Variants in LIPA observed in about 807,000 individuals in gnomAD.
LIPA encodes the protein lipase A, lysosomal acid type.
Under a neutral mutation model 40.6 loss-of-function variants are expected in LIPA, and 26 were observed. That is an observed-to-expected ratio of 0.64 (90% confidence interval 0.47 to 0.89). LIPA has a LOEUF of 0.89. Among genes scored for constraint, LIPA ranks in the 40% least tolerant of loss-of-function variants. The probability of loss-of-function intolerance (pLI) is 0.00; values close to 1 mark genes in which losing one functional copy is unlikely to be tolerated. For missense variants in LIPA, 455 were observed against 479.6 expected, an observed-to-expected ratio of 0.95 and a Z score of 0.48; for synonymous variants, 188 against 168.4, an observed-to-expected ratio of 1.12 and a Z score of -0.90.
chr10:89,270,476 T>A (rs116444135), intron 1 of LIPA, among the ~76,000 whole-genome samples: 2,554 of 152,340 alleles, frequency 0.017, 32 homozygotes, highest in African/African-American at 0.027. Flanking sequence ...GACTGCCACC[T>A]TATTGCAATT....
upstream of LIPA, among the ~76,000 whole-genome samples, chr10:89,253,384 A>G (rs188110514): frequency 3.3e-3 from 498 of 152,352 alleles, 1 homozygote; most frequent in African/African-American, 0.011. Flanking sequence ...GAGAGAAAGA[A>G]CCAAGTAAAA....
intron 2 of LIPA, chr10:89,383,551 G>C (rs773843524): frequency 1.2e-6 from 2 of 1,614,176 alleles, no homozygotes; most frequent in Non-Finnish European, 1.7e-6. Context: ...AAAGGCTGAA[G>C]ACTTAATTCA....
Position 89,367,462 on chromosome 10 carries a change from G to A in LIPA, c.61+45329C>T, listed in dbSNP as rs145894935. On this transcript the variant is annotated intron_variant, in intron 2 of 8. Coordinates refer to the LIPA transcript ENST00000371837. ...CACTTCTTATTCTTGTAAACAAGAT[G>A]GCTATAGTTTCCCATTACTGGCTCA... Among the ~76,000 whole-genome samples the A allele has an allele frequency of 9.2e-3, 1,405 of 152,318 alleles. 13 individuals are homozygous for A. The highest frequency in any genetic ancestry group is 0.027 in the Middle Eastern group (8 of 294).
intron 2 of LIPA, chr10:89,393,485 C>A: frequency 2.7e-6 from 1 of 373,848 alleles, no homozygotes; most frequent in South Asian, 2.5e-5. Flanking sequence ...GTAATCCCAG[C>A]ACTTTGGGAG....
chr10:89,373,260 G>C (rs187427687), intron 2 of LIPA, among the ~76,000 whole-genome samples: 1,661 of 149,820 alleles, frequency 0.011, 39 homozygotes, highest in East Asian at 0.092. Context: ...GCGTGAACCC[G>C]GGAGGCAGAG....
At chr10:89,310,028 C>A (rs374738413) in intron 1 of LIPA, among the ~76,000 whole-genome samples, 1 of 152,202 alleles carries the variant, frequency 6.6e-6, no homozygotes, top group African/African-American at 2.4e-5. Context: ...CCATCAATGA[C>A]CATTGCCCCT....
chr10:89,290,457 A>G (rs780812857), intron 1 of LIPA, among the ~76,000 whole-genome samples: 1 of 152,072 alleles, frequency 6.6e-6, no homozygotes, highest in Non-Finnish European at 1.5e-5. Context: ...ACACTTCAAT[A>G]CTATTTTATG....
At chr10:89,402,479 T>G in intron 2 of LIPA, 1 of 1,614,140 alleles carries the variant, frequency 6.2e-7, no homozygotes, top group East Asian at 2.2e-5. Context: ...AAGGCCAGAA[T>G]GAGGAAGCCC....
At chr10:89,392,958 C>G (rs537562082) in intron 2 of LIPA, 16 of 664,416 alleles carry the variant, frequency 2.4e-5, no homozygotes, top group Non-Finnish European at 3.9e-5. Flanking sequence ...ATGCTATAGC[C>G]CAAAGAAGGG....
intron 1 of LIPA, among the ~76,000 whole-genome samples, chr10:89,321,523 C>T (rs1418613808): frequency 1.3e-5 from 2 of 152,170 alleles, no homozygotes; most frequent in Non-Finnish European, 2.9e-5. Context: ...CAATGAGATG[C>T]CATCTCACAC....
At chr10:89,362,592 C>A (rs189879425) in intron 2 of LIPA, 8 of 332,428 alleles carry the variant, frequency 2.4e-5, no homozygotes, top group African/African-American at 4.3e-5. Context: ...GCAACTTTGC[C>A]TGGGCTGGGG....
chr10:89,297,860 G>A (rs1282645462), intron 1 of LIPA, among the ~76,000 whole-genome samples: 1 of 152,206 alleles, frequency 6.6e-6, no homozygotes, highest in East Asian at 1.9e-4. Context: ...AAGCCAGATG[G>A]CCGCCTGTCT....
chr10:89,241,979 C>A lies in LIPA; in HGVS notation c.229+3697G>T, dbSNP rs566036502. Reference sequence around the variant, plus strand: ...CCCTATTTGAACCTGGCTGTCTTATCCAACAAAATGAGGATGTTAGTCTAG... The same window carrying A: ...CCCTATTTGAACCTGGCTGTCTTATACAACAAAATGAGGATGTTAGTCTAG... On this transcript the variant is annotated intron_variant, in intron 3 of 9. Transcript: ENST00000336233. Among the ~76,000 whole-genome samples, 310 of 152,206 alleles carry A rather than the reference C, an allele frequency of 2.0e-3. 1 individual carries two copies. Among genetic ancestry groups the A allele is most frequent in the Non-Finnish European group, 3.3e-3 (227 of 68,014 alleles).
intron 1 of LIPA, chr10:89,302,153 G>T: frequency 6.2e-7 from 1 of 1,613,404 alleles, no homozygotes; most frequent in Non-Finnish European, 8.5e-7. Flanking sequence ...TTCGTATTCG[G>T]TAGTGCTGTT....
intron 1 of LIPA, chr10:89,306,250 A>G: frequency 6.2e-7 from 1 of 1,614,162 alleles, no homozygotes; most frequent in Non-Finnish European, 8.5e-7. Context: ...TCACCTGGGG[A>G]AACTATGCCT....
chr10:89,403,130 C>T (rs373034374), intron 2 of LIPA: 11 of 1,614,012 alleles, frequency 6.8e-6, no homozygotes, highest in Admixed American at 1.7e-5. Flanking sequence ...CCACTTCTGT[C>T]TTACTGCATC....
At chr10:89,340,049 A>T in intron 1 of LIPA, 1 of 1,614,110 alleles carries the variant, frequency 6.2e-7, no homozygotes, top group Non-Finnish European at 8.5e-7. Flanking sequence ...GAGCTTGAGG[A>T]TGGTAGTGAG....
chr10:89,401,970 A>C (rs1844432261), intron 2 of LIPA, among the ~76,000 whole-genome samples: 4 of 152,194 alleles, frequency 2.6e-5, no homozygotes, highest in Admixed American at 2.6e-4. Flanking sequence ...ATATGCTCTA[A>C]GTGCTTGACA....
Position 89,271,899 on chromosome 10 carries a change from CA to C in LIPA, c.-1-24251del, listed in dbSNP as rs766248842. On this transcript the variant is annotated intron_variant, in intron 1 of 5. Transcript: ENST00000282673. ...ACAACATATCAAAACCCCAACTCTA[CA>C]AAAAAAAAAACCCACAAAAACTAAC... Among the ~76,000 whole-genome samples the C allele has an allele frequency of 2.1e-3, 293 of 142,136 alleles. 1 individual carries two copies. Among genetic ancestry groups the C allele is most frequent in the African/African-American group, 5.4e-3 (211 of 38,854 alleles). The allele number at this position is 142,136 out of a possible 152,430, so 93.2% of individuals were successfully genotyped here. A position where few individuals can be genotyped will look rare whatever the true frequency, so the allele number is the denominator to read the frequency against.
Sources: allele counts gnomAD v4.1 joint callset (sites outside exome capture counted in the v4.1 genomes callset), GRCh38; gene constraint gnomAD v4.1.1; transcripts MANE v1.5; gene names NCBI Gene and HGNC (gene_info 2026-07-23, HGNC 2026-07-21).